The following CCDC171 variants were observed in gnomAD, a reference collection of about 807,000 sequenced individuals.
The protein encoded by CCDC171 is coiled-coil domain-containing protein 171.
A neutral mutation model predicts 168.2 loss-of-function variants in CCDC171; 177 were observed. The observed-to-expected ratio is 1.05, with a 90% CI of 0.93 to 1.19. The LOEUF (loss-of-function observed/expected upper bound fraction) is 1.19, where lower values mean the gene tolerates loss of function less well. Among genes scored for constraint, CCDC171 ranks in the 50% most tolerant of loss-of-function variants. The pLI is 0.00. For missense variants in CCDC171, 1,991 were observed against 1,539.0 expected (o/e 1.29, Z -4.91); for synonymous variants, 687 against 540.8 (o/e 1.27, Z -3.75).
intron 25 of CCDC171, among the ~76,000 whole-genome samples, chr9:15,954,616 C>A (rs914508143): frequency 6.6e-6 from 1 of 151,412 alleles, no homozygotes; most frequent in South Asian, 2.1e-4. Flanking sequence ...GATCATTTTT[C>A]TTTCTGTATC....
chr9:15,773,689 T>A (rs1171753530), intron 18 of CCDC171, among the ~76,000 whole-genome samples: 1 of 146,332 alleles, frequency 6.8e-6, no homozygotes, highest in Admixed American at 7.1e-5. Flanking sequence ...ATTTTACAAC[T>A]GTATCACTAG....
chr9:15,789,313 C>T (rs1390440071), intron 21 of CCDC171, among the ~76,000 whole-genome samples: 1 of 152,154 alleles, frequency 6.6e-6, no homozygotes, highest in Admixed American at 6.5e-5. Context: ...TGAAATACTT[C>T]TGGTCCTGAG....
In CCDC171 at chr9:15,874,634, A is replaced by G; in HGVS notation, c.3571A>G (p.Lys1191Glu). 1 of 1,601,656 alleles carries G rather than the reference A, an allele frequency of 6.2e-7. No individual in the cohort carries two copies. The highest frequency in any genetic ancestry group is 1.1e-5 in the South Asian group (1 of 88,940). Residue 1191 changes from lysine to glutamate, a missense_variant, in exon 24 of 26, where the codon AAG (lysine) becomes GAG (glutamate). Transcript: ENST00000380701. ...GGAGACCTTTGCAATGGAGGGGCTC[A>G]AGGGCGGGCCAGAGGTGGTAGCATG... is the stretch of plus-strand genomic sequence containing the variant. ...HLETFAMEGL[K>E]GGPEVVACQA...
chr9:15,913,147 A>G (rs1028268717), intron 24 of CCDC171, among the ~76,000 whole-genome samples: 1 of 152,174 alleles, frequency 6.6e-6, no homozygotes, highest in Non-Finnish European at 1.5e-5. Context: ...ATAGAATTCC[A>G]CTGTGAATCC....
chr9:15,704,793 C>G (rs182647081), intron 11 of CCDC171, among the ~76,000 whole-genome samples: 1 of 152,092 alleles, frequency 6.6e-6, no homozygotes, highest in South Asian at 2.1e-4. Context: ...AGTTATTTAC[C>G]GAGAGGATTT....
intron 25 of CCDC171, among the ~76,000 whole-genome samples, chr9:15,944,848 C>CTTTCT (rs1828143478): frequency 6.7e-6 from 1 of 149,126 alleles, no homozygotes; most frequent in African/African-American, 2.5e-5. Context: ...TTCTTTCTTT[C>CTTTCT]TTTCTTTCTT....
At chr9:15,690,316 A>T (rs2050699354) in intron 10 of CCDC171, among the ~76,000 whole-genome samples, 1 of 152,236 alleles carries the variant, frequency 6.6e-6, no homozygotes, top group Non-Finnish European at 1.5e-5. Context: ...ACCACAATTA[A>T]GAGTTTGGTA....
chr9:15,823,889 T>G (rs1009509829), intron 21 of CCDC171, among the ~76,000 whole-genome samples: 1 of 152,154 alleles, frequency 6.6e-6, no homozygotes, highest in African/African-American at 2.4e-5. Context: ...TATTTGTCTT[T>G]TAACAAAATC....
At chr9:15,579,133 G>C (rs767562269) in intron 4 of CCDC171, 110 bp downstream of exon 4, 11 of 826,734 alleles carry the variant, frequency 1.3e-5, no homozygotes, top group Non-Finnish European at 2.0e-5. Context: ...ATTCTGATTC[G>C]TTGACTGACT....
chr9:16,089,617 C>T, the CCDC171 span, among the ~76,000 whole-genome samples: 6 of 151,912 alleles, frequency 3.9e-5, no homozygotes, highest in African/African-American at 1.2e-4. Context: ...TTTCCCAACA[C>T]CATTTATTAA....
chr9:15,734,473 G>T (rs764931901), intron 16 of CCDC171, among the ~76,000 whole-genome samples: 12 of 152,170 alleles, frequency 7.9e-5, no homozygotes, highest in Non-Finnish European at 1.6e-4. Context: ...AGGAGGCAGA[G>T]GTTGCAATAA....
In CCDC171 at chr9:16,052,991, C is replaced by G. The variant is rs1014936907; in HGVS notation, n.90-7655C>G. Among the ~76,000 whole-genome samples the G allele has an allele frequency of 6.6e-5, 10 of 152,318 alleles. No individual in the cohort carries two copies. In the East Asian group the frequency reaches 1.4e-3, roughly 21 times the overall value. ...GCTCTTCCCTAAGATCCCTCTCCCTCGCCAGGAATATTCTATGCATACATT... is the reference window on the plus strand; with the variant it reads ...GCTCTTCCCTAAGATCCCTCTCCCTGGCCAGGAATATTCTATGCATACATT... On this transcript the variant is annotated intron_variant and non_coding_transcript_variant, in intron 1 of 1. Transcript: ENST00000478913.
chr9:15,750,992 T>C (rs1358706941), intron 18 of CCDC171, among the ~76,000 whole-genome samples: 2 of 152,188 alleles, frequency 1.3e-5, no homozygotes, highest in Non-Finnish European at 2.9e-5. Context: ...ATGGTCTCTG[T>C]TGGCAGGTGA....
chr9:15,887,573 T>G (rs1369539817), intron 24 of CCDC171, among the ~76,000 whole-genome samples: 3 of 152,156 alleles, frequency 2.0e-5, no homozygotes, highest in Admixed American at 2.0e-4. Context: ...CAGAAGTAGT[T>G]TGGAGGTCCT....
intron 7 of CCDC171, among the ~76,000 whole-genome samples, chr9:15,642,636 C>G (rs929572043): frequency 2.6e-5 from 4 of 151,986 alleles, no homozygotes; most frequent in African/African-American, 9.7e-5. Flanking sequence ...ACAAACCCTA[C>G]TCTTGGAAGG....
chr9:16,069,318 A>G, the CCDC171 span, among the ~76,000 whole-genome samples: 150,424 of 152,356 alleles, frequency 0.99, 74,275 homozygotes, highest in East Asian at 1. Context: ...TGTGAGATTC[A>G]AAAATGCTGA....
chr9:16,077,393 CCATGACCTTG>C, the CCDC171 span, among the ~76,000 whole-genome samples: 1 of 152,148 alleles, frequency 6.6e-6, no homozygotes, highest in South Asian at 2.1e-4. Context: ...CACACCCTTG[CCATGACCTTG>C]CATGACCTTG....
intron 1 of CCDC171, among the ~76,000 whole-genome samples, chr9:15,558,522 G>A (rs1453990331): frequency 6.6e-6 from 1 of 152,192 alleles, no homozygotes; most frequent in Non-Finnish European, 1.5e-5. Flanking sequence ...TATTTGCGTA[G>A]TGGTGTTCAT....
chr9:15,728,066 A>G (rs768381136), intron 15 of CCDC171, 30 bp downstream of exon 15: 6 of 1,559,460 alleles, frequency 3.8e-6, no homozygotes, highest in Non-Finnish European at 5.2e-6. Context: ...AGATACCTCT[A>G]TTAAATTCAG....
Sources: allele counts gnomAD v4.1 joint callset (sites outside exome capture counted in the v4.1 genomes callset), GRCh38; gene constraint gnomAD v4.1.1; transcripts MANE v1.5; gene names NCBI Gene and HGNC (gene_info 2026-07-23, HGNC 2026-07-21).